Variants in ANXA10 observed in about 807,000 individuals in gnomAD.
The protein encoded by ANXA10 is annexin 14.
ANXA10 carries 49 observed loss-of-function variants against 53.5 expected under a neutral mutation model. That is an observed-to-expected ratio of 0.92 (90% CI 0.73 to 1.16). The LOEUF (loss-of-function observed/expected upper bound fraction) is 1.16, where lower values mean the gene tolerates loss of function less well. ANXA10 is among the 50% of genes most tolerant of loss of function. ANXA10 has a pLI of 0.00. For synonymous variants in ANXA10, 131 were observed against 128.9 expected, an observed-to-expected ratio of 1.02 and a Z score of -0.11; for missense variants, 393 against 394.4, an observed-to-expected ratio of 1.00 and a Z score of 0.03.
chr4:168,133,762 A>G (rs1052882018), intron 2 of ANXA10, among the ~76,000 whole-genome samples: 2 of 152,154 alleles, frequency 1.3e-5, no homozygotes, highest in African/African-American at 4.8e-5. Flanking sequence ...TTCAGTATTT[A>G]CTAATTCAGT....
At chr4:168,123,625 C>T (rs888008037) in intron 1 of ANXA10, among the ~76,000 whole-genome samples, 2 of 152,054 alleles carry the variant, frequency 1.3e-5, no homozygotes, top group Non-Finnish European at 2.9e-5. Context: ...TTGAGTGATG[C>T]CAAGACTAAC....
intron 10 of ANXA10, among the ~76,000 whole-genome samples, chr4:168,183,544 C>T (rs1732302366): frequency 6.6e-6 from 1 of 152,160 alleles, no homozygotes. Context: ...GCTACTTATT[C>T]TAATAGTACA....
chr4:168,113,164 T>C (rs1327160650), intron 1 of ANXA10: 3 of 152,300 alleles, frequency 2.0e-5, no homozygotes, highest in Non-Finnish European at 4.4e-5. Context: ...TAGTTCATTG[T>C]GTGCTGCTAT....
At chr4:168,108,706 T>C (rs1730755648) in intron 1 of ANXA10, among the ~76,000 whole-genome samples, 1 of 152,174 alleles carries the variant, frequency 6.6e-6, no homozygotes, top group South Asian at 2.1e-4. Flanking sequence ...AATTCAGATA[T>C]CCGTTGTGAA....
chr4:168,113,781 T>C (rs1730847646), intron 1 of ANXA10, among the ~76,000 whole-genome samples: 1 of 152,230 alleles, frequency 6.6e-6, no homozygotes, highest in African/African-American at 2.4e-5. Flanking sequence ...AAACTCAGTG[T>C]GTTGACTATG....
At chr4:168,173,284 T>A (rs1027044334) in intron 6 of ANXA10, among the ~76,000 whole-genome samples, 1 of 152,166 alleles carries the variant, frequency 6.6e-6, no homozygotes, top group African/African-American at 2.4e-5. Context: ...GTTGGTAGCC[T>A]CTGAGCAAGC....
chr4:168,094,646 T>C (rs1362808278), intron 1 of ANXA10, among the ~76,000 whole-genome samples: 2 of 152,086 alleles, frequency 1.3e-5, no homozygotes, highest in Non-Finnish European at 2.9e-5. Context: ...GCAGTATATA[T>C]AACATCTGAA....
At chr4:168,178,223 C>T in intron 8 of ANXA10, 1 of 483,854 alleles carries the variant, frequency 2.1e-6, no homozygotes, top group South Asian at 2.4e-5. Context: ...TAAAAATAAT[C>T]TCTGTATTTG....
At chr4:168,155,154 G>A (rs958287004) in intron 3 of ANXA10, among the ~76,000 whole-genome samples, 3 of 151,018 alleles carry the variant, frequency 2.0e-5, no homozygotes, top group Non-Finnish European at 4.4e-5. Flanking sequence ...GCCTTTGCCT[G>A]ATCAAATCCC....
chr4:168,162,291 T>C (rs1731798320), intron 3 of ANXA10, among the ~76,000 whole-genome samples: 1 of 152,140 alleles, frequency 6.6e-6, no homozygotes, highest in African/African-American at 2.4e-5. Flanking sequence ...AGAAAATCAT[T>C]CTATGTTCAA....
At position 168,143,642 on chromosome 4, in the gene ANXA10, AT is replaced by A. The variant is rs1440259373; in HGVS notation, c.195+4063del. On this transcript the variant is annotated intron_variant, in intron 3 of 11. Coordinates refer to ENST00000359299, the MANE Select transcript of ANXA10 (RefSeq NM_007193.5). ...AATGCCCTTGTGAATGGGGAGAAGA[AT>A]AAACAGACAATGATTCTTGGAGAAG... is the stretch of plus-strand genomic sequence containing the variant. 5.3e-5 allele frequency among the ~76,000 whole-genome samples: 8 copies of A among 152,228 alleles called. 1 individual carries two copies. The highest frequency in any genetic ancestry group is 3.9e-4 in the Admixed American group (6 of 15,282).
intron 2 of ANXA10, among the ~76,000 whole-genome samples, chr4:168,131,762 A>C (rs571571728): frequency 6.6e-6 from 1 of 151,816 alleles, no homozygotes; most frequent in South Asian, 2.1e-4. Flanking sequence ...ATTCCTGATA[A>C]TTTTCTTTGC....
chr4:168,168,354 A>G (rs974087148), intron 6 of ANXA10, among the ~76,000 whole-genome samples: 1 of 152,228 alleles, frequency 6.6e-6, no homozygotes, highest in Non-Finnish European at 1.5e-5. Context: ...TATCAAAGGT[A>G]GTGAAGTTAT....
At chr4:168,111,773 CTATTTTA>C (rs527251387) in intron 1 of ANXA10, among the ~76,000 whole-genome samples, 23 of 152,230 alleles carry the variant, frequency 1.5e-4, no homozygotes, top group Admixed American at 1.5e-3. Flanking sequence ...ATACTTATCA[CTATTTTA>C]TTTGGGGCAC....
intron 6 of ANXA10, among the ~76,000 whole-genome samples, chr4:168,176,893 G>A (rs1425358761): frequency 3.3e-5 from 5 of 152,186 alleles, no homozygotes; most frequent in South Asian, 2.1e-4. Flanking sequence ...CAAGCTACTC[G>A]GGAGGCTGAG....
chr4:168,162,403 G>T (rs1731800940), intron 3 of ANXA10, 125 bp from the exon 4 acceptor site: 5 of 705,448 alleles, frequency 7.1e-6, no homozygotes, highest in Non-Finnish European at 1.2e-5. Context: ...ATGTGAATCA[G>T]ACTTGTTATG....
chr4:168,092,759 T>G, intron 1 of ANXA10, 41 bp downstream of exon 1: 1 of 1,478,312 alleles, frequency 6.8e-7, no homozygotes, highest in Non-Finnish European at 9.0e-7. Context: ...TTCACTCTTT[T>G]GAAACTTGAT....
At chr4:168,174,852 A>G (rs560670534) in intron 6 of ANXA10, among the ~76,000 whole-genome samples, 2 of 152,330 alleles carry the variant, frequency 1.3e-5, no homozygotes, top group African/African-American at 4.8e-5. Flanking sequence ...TGAATTTTCA[A>G]CATGCTAAAC....
At chr4:168,126,907 T>C (rs991097811) in intron 1 of ANXA10, among the ~76,000 whole-genome samples, 2 of 152,170 alleles carry the variant, frequency 1.3e-5, no homozygotes, top group Admixed American at 6.6e-5. Context: ...AGTTTTGAGT[T>C]CTTAGTCCTT....
Sources: gnomAD v4.1 joint callset for allele counts (sites outside exome capture counted in the v4.1 genomes callset) on GRCh38, gnomAD v4.1.1 for gene constraint, MANE v1.5 for transcripts, NCBI Gene and HGNC (gene_info 2026-07-23, HGNC 2026-07-21) for gene names.